SENP7: variants seen among roughly 807,000 people sequenced by gnomAD.
The protein encoded by SENP7 is sentrin-specific protease 7.
A neutral mutation model predicts 141.2 loss-of-function variants in SENP7; 64 were observed. That is an observed-to-expected ratio of 0.45 (90% CI 0.37 to 0.56). SENP7 has a LOEUF of 0.56. SENP7 is among the 20% of genes least tolerant of loss of function. The pLI, the probability that SENP7 is intolerant of heterozygous loss-of-function variation, is 0.00. For synonymous variants in SENP7, 382 were observed against 426.4 expected, an observed-to-expected ratio of 0.90 and a Z score of 1.28; for missense variants, 1,025 against 1,212.2, an observed-to-expected ratio of 0.85 and a Z score of 2.29.
intron 1 of SENP7, among the ~76,000 whole-genome samples, chr3:101,508,047 CAAAAAA>C (rs61638290): frequency 6.7e-5 from 6 of 90,124 alleles, no homozygotes; most frequent in Non-Finnish European, 1.2e-4. Flanking sequence ...GACTCCATCT[CAAAAAA>C]AAAAAAAAAA....
chr3:101,470,334 G>T (rs1559875708), intron 3 of SENP7, among the ~76,000 whole-genome samples: 1 of 152,188 alleles, frequency 6.6e-6, no homozygotes, highest in Non-Finnish European at 1.5e-5. Context: ...TCCCTGGCAT[G>T]CAAAGCTGGT....
chr3:101,488,330 AAGT>A (rs1297278486), intron 3 of SENP7, among the ~76,000 whole-genome samples: 1 of 152,136 alleles, frequency 6.6e-6, no homozygotes, highest in Admixed American at 6.6e-5. Flanking sequence ...AAGGTTGCTA[AAGT>A]CCTTTATCAG....
chr3:101,402,933 C>G (rs1378429526), intron 5 of SENP7, among the ~76,000 whole-genome samples: 1 of 152,126 alleles, frequency 6.6e-6, no homozygotes, highest in Non-Finnish European at 1.5e-5. Context: ...AGTTTCAAGT[C>G]TTACAATTTA....
intron 5 of SENP7, among the ~76,000 whole-genome samples, chr3:101,404,747 A>G (rs1189100301): frequency 6.6e-6 from 1 of 152,248 alleles, no homozygotes; most frequent in Non-Finnish European, 1.5e-5. Context: ...AAACAATCCC[A>G]TTACAAAGTG....
chr3:101,513,174 A>G lies in SENP7; in HGVS notation c.-44T>C, dbSNP rs376437594. ...TTTCAGTTGCAGGCGCTGTCACCTC[A>G]GGACCCCTCCGGCTTGGAGAGGGAG... On this transcript the variant is annotated 5_prime_UTR_variant, in exon 1 of 24. Coordinates refer to ENST00000394095, the MANE Select transcript of SENP7 (RefSeq NM_020654.5). 7.0e-6 allele frequency: 9 copies of G among 1,285,586 alleles called. No homozygotes were observed. The highest frequency in any genetic ancestry group is 8.4e-6 in the Non-Finnish European group (8 of 950,440). The allele number at this position is 1,285,586 out of a possible 1,614,324, so 79.6% of individuals were successfully genotyped here.
chr3:101,379,884 A>C (rs1233173532), intron 6 of SENP7, among the ~76,000 whole-genome samples: 1 of 152,232 alleles, frequency 6.6e-6, no homozygotes, highest in African/African-American at 2.4e-5. Context: ...CATGTTCATA[A>C]TGGCATTACA....
chr3:101,444,324 G>A (rs1484692489), intron 4 of SENP7, among the ~76,000 whole-genome samples: 1 of 151,644 alleles, frequency 6.6e-6, no homozygotes, highest in Non-Finnish European at 1.5e-5. Flanking sequence ...CACTGTGGAA[G>A]TCAGTGTGGC....
chr3:101,428,109 G>A (rs938412556), intron 4 of SENP7, among the ~76,000 whole-genome samples: 2 of 152,136 alleles, frequency 1.3e-5, no homozygotes, highest in Admixed American at 6.5e-5. Context: ...ATGGGCATTC[G>A]GGTTGGTTCC....
chr3:101,327,972 C>T (rs1376594553), intron 22 of SENP7, among the ~76,000 whole-genome samples, 156 bp from the exon 23 acceptor site: 1 of 152,172 alleles, frequency 6.6e-6, no homozygotes, highest in African/African-American at 2.4e-5. Flanking sequence ...TTTTATAAGG[C>T]TCACAAGTAC....
At chr3:101,502,905 G>A (rs2065446848) in intron 1 of SENP7, among the ~76,000 whole-genome samples, 2 of 144,352 alleles carry the variant, frequency 1.4e-5, no homozygotes, top group African/African-American at 2.6e-5. Flanking sequence ...GACAGAGTAA[G>A]ACCCTGTCTC....
Position 101,337,920 on chromosome 3 carries a change from C to T in SENP7, c.2358-289G>A, listed in dbSNP as rs144368998. ...CTGTAATCCAAGCACTTTGGGAGGC[C>T]GAGGCGGGCAGATCACGAGGTCAAG... On this transcript the variant is annotated intron_variant, in intron 16 of 23. Transcript: ENST00000394095. 2.1e-3 allele frequency among the ~76,000 whole-genome samples: 321 copies of T among 151,980 alleles called. 2 individuals are homozygous for T. The highest frequency in any genetic ancestry group is 7.5e-3 in the African/African-American group (312 of 41,482).
rs1214282701 is a variant in SENP7, at chr3:101,469,809, C to T, written c.187-10757G>A. Among the ~76,000 whole-genome samples the T allele has an allele frequency of 4.3e-5, 3 of 69,496 alleles. 1 individual carries two copies. Among genetic ancestry groups the T allele is most frequent in the Non-Finnish European group, 5.4e-5 (2 of 36,944 alleles). The allele number at this position is 69,496 out of a possible 152,430, so 45.6% of individuals were successfully genotyped here. A position where few individuals can be genotyped will look rare whatever the true frequency, so the allele number is the denominator to read the frequency against. Reference sequence around the variant, plus strand: ...ACTGCAGTCCGTAGTCCGGCCTGGGCGACAGAGCAAGACTCCGTCTCAAAA... The same window carrying T: ...ACTGCAGTCCGTAGTCCGGCCTGGGTGACAGAGCAAGACTCCGTCTCAAAA... On this transcript the variant is annotated intron_variant, in intron 3 of 23. Transcript: ENST00000394095.
intron 6 of SENP7, among the ~76,000 whole-genome samples, chr3:101,389,568 A>T (rs567397806): frequency 7.0e-4 from 107 of 152,300 alleles, no homozygotes; most frequent in Admixed American, 1.3e-3. Flanking sequence ...ATCCTTCATA[A>T]ATGAGTAAGA....
chr3:101,475,041 C>A (rs2064159910), intron 3 of SENP7, among the ~76,000 whole-genome samples: 1 of 152,086 alleles, frequency 6.6e-6, no homozygotes, highest in South Asian at 2.1e-4. Flanking sequence ...ATATATATAT[C>A]CCATGTAAAT....
chr3:101,399,411 C>A (rs2061066966), intron 5 of SENP7, among the ~76,000 whole-genome samples: 1 of 152,120 alleles, frequency 6.6e-6, no homozygotes, highest in South Asian at 2.1e-4. Context: ...CAAATCAATT[C>A]AAGAAATCTT....
intron 3 of SENP7, among the ~76,000 whole-genome samples, chr3:101,484,212 A>G (rs955757094): frequency 6.6e-5 from 10 of 152,232 alleles, no homozygotes; most frequent in Non-Finnish European, 1.5e-4. Context: ...TTAAAATTAA[A>G]AATTTCTGCT....
chr3:101,443,545 T>C (rs1162773677), intron 4 of SENP7, among the ~76,000 whole-genome samples: 3 of 151,858 alleles, frequency 2.0e-5, no homozygotes, highest in South Asian at 2.1e-4. Flanking sequence ...TTGGGCGGTA[T>C]GGTCATTTTC....
chr3:101,446,487 ACATTCT>A (rs2062901091), intron 4 of SENP7, among the ~76,000 whole-genome samples: 1 of 152,242 alleles, frequency 6.6e-6, no homozygotes, highest in Non-Finnish European at 1.5e-5. Context: ...AGTGCAAGAA[ACATTCT>A]CCAGGGCAGA....
intron 5 of SENP7, among the ~76,000 whole-genome samples, chr3:101,415,554 T>C (rs570020137): frequency 2.0e-5 from 3 of 152,126 alleles, no homozygotes; most frequent in Non-Finnish European, 2.9e-5. Flanking sequence ...AAAAACCTGG[T>C]TTTTATAGAA....
Sources: gnomAD v4.1 joint callset for allele counts (sites outside exome capture counted in the v4.1 genomes callset) on GRCh38, gnomAD v4.1.1 for gene constraint, MANE v1.5 for transcripts, NCBI Gene and HGNC (gene_info 2026-07-23, HGNC 2026-07-21) for gene names.